BTBD17: variants seen among roughly 807,000 people sequenced by gnomAD.
BTBD17 encodes the protein BTB domain containing 17.
Under a neutral mutation model 36.9 loss-of-function variants are expected in BTBD17, and 26 were observed. That is an observed-to-expected ratio of 0.70 (90% CI 0.52 to 0.98). The LOEUF (loss-of-function observed/expected upper bound fraction) is 0.98, where lower values mean the gene tolerates loss of function less well. Ranked by LOEUF, BTBD17 falls within the 50% of genes least tolerant of loss-of-function variation. The pLI is 0.00. For synonymous variants in BTBD17, 341 were observed against 338.0 expected, an observed-to-expected ratio of 1.01 and a Z score of -0.10; for missense variants, 630 against 691.3, an observed-to-expected ratio of 0.91 and a Z score of 0.99.
chr17:74,362,965 C>CGCGTGTGTGTGTGTGT (rs112779081), upstream of BTBD17, among the ~76,000 whole-genome samples: 78 of 146,022 alleles, frequency 5.3e-4, no homozygotes, highest in South Asian at 9.2e-3. Flanking sequence ...AGCGCGCGCG[C>CGCGTGTGTGTGTGTGT]ATGTGTGTGT....
intron 1 of BTBD17, 47 bp downstream of exon 1, chr17:74,361,688 G>A (rs765876110): frequency 2.2e-5 from 33 of 1,533,042 alleles, no homozygotes; most frequent in East Asian, 4.6e-5. Flanking sequence ...GGGCTGGGAC[G>A]ACCTGCCGCT....
intron 1 of BTBD17, among the ~76,000 whole-genome samples, chr17:74,361,273 G>A (rs971381969): frequency 3.9e-5 from 6 of 152,234 alleles, no homozygotes; most frequent in Non-Finnish European, 7.3e-5. Flanking sequence ...GGAGGCGGGC[G>A]GGGGCCTGAT....
Position 74,361,792 on chromosome 17 carries a change from C to G in BTBD17, c.28G>C (p.Gly10Arg). 6.2e-7 allele frequency: 1 copy of G among 1,613,952 alleles called. No homozygotes were observed. Among genetic ancestry groups the G allele is most frequent in the Non-Finnish European group, 8.5e-7 (1 of 1,179,942 alleles). ...ATGGCCCAGAAGCTGCCCCAGGACC[C>G]AGGCTTGGAGTAGCCTCTCCTAGGC... MPRRGYSKPGSWGSFWAMLT... is the reference protein window; with the variant it reads MPRRGYSKPRSWGSFWAMLT... The change falls in exon 1 of 3, where the codon GGG becomes CGG. Residue 10 changes from glycine to arginine, a missense_variant. Physicochemically the swap from Gly to Arg is moderately radical, Grantham distance 125. Coordinates refer to ENST00000375366, the MANE Select transcript of BTBD17 (RefSeq NM_001080466.2).
Position 74,360,256 on chromosome 17 carries a change from A to C in BTBD17, c.86-11T>G, listed in dbSNP as rs769736384. ...CATCGGCTCTCTGTGCTGCAGCAGGAAGGAACACAGCATAGCCTGAGAAGG... is the reference window on the plus strand; with the variant it reads ...CATCGGCTCTCTGTGCTGCAGCAGGCAGGAACACAGCATAGCCTGAGAAGG... On this transcript the variant is annotated splice_polypyrimidine_tract_variant and intron_variant, in intron 1 of 2. Transcript: ENST00000375366. 3.1e-5 allele frequency: 49 copies of C among 1,598,388 alleles called. No individual in the cohort carries two copies. The highest frequency in any genetic ancestry group is 7.7e-6 in the Non-Finnish European group (9 of 1,171,500).
intron 1 of BTBD17, 115 bp from the exon 2 acceptor site, chr17:74,360,360 G>A: frequency 8.7e-7 from 1 of 1,147,366 alleles, no homozygotes; most frequent in Non-Finnish European, 1.2e-6. Flanking sequence ...AGAGGGCAAG[G>A]TGGGCCTAGG....
chr17:74,359,020 T>C (rs1180480642), intron 2 of BTBD17, among the ~76,000 whole-genome samples: 1 of 152,180 alleles, frequency 6.6e-6, no homozygotes, highest in East Asian at 1.9e-4. Flanking sequence ...TTGGAAGCAA[T>C]GTATGGAATT....
In BTBD17 at chr17:74,357,614, C is replaced by T. The variant is rs1187393235; in HGVS notation, c.480G>A (p.Ala160=). ...LQRGVADYMR[A]HLAGGAGPAV... is the part of the protein sequence containing the mutation. ...CCGGGCCCGCGCCTCCCGCCAGGTGCGCGCGCATGTAGTCGGCCACGCCGC... is the reference window on the plus strand; with the variant it reads ...CCGGGCCCGCGCCTCCCGCCAGGTGTGCGCGCATGTAGTCGGCCACGCCGC... The change falls in exon 3 of 3, where the codon GCG becomes GCA. Residue 160 remains alanine (A), a synonymous_variant. Transcript: ENST00000375366. This position sits in a 1 kb window ranked among gnomAD's most constrained non-coding sequence, Gnocchi z 8.4. 7.7e-6 allele frequency: 12 copies of T among 1,550,364 alleles called. No homozygotes were observed. The highest frequency in any genetic ancestry group is 1.2e-5 in the South Asian group (1 of 84,690).
rs1334480507 is a variant in BTBD17 at position 74,357,287 on chromosome 17, C to T, written c.807G>A (p.Gln269=). The T allele has an allele frequency of 1.9e-6, 3 of 1,557,790 alleles. No homozygotes were observed. Among genetic ancestry groups the T allele is most frequent in the Non-Finnish European group, 2.6e-6 (3 of 1,156,456 alleles). Residue 269 remains glutamine (Q), a synonymous_variant, in exon 3 of 3, where the codon CAG becomes CAA. Transcript: ENST00000375366. This position sits in a 1 kb window ranked among gnomAD's most constrained non-coding sequence, Gnocchi z 8.4. ...GGCGCGCCAGGGCTGCCGAGCGCGCCTGCAGCTGGAACAGCTGTGCCGGTG... is the reference window on the plus strand; with the variant it reads ...GGCGCGCCAGGGCTGCCGAGCGCGCTTGCAGCTGGAACAGCTGTGCCGGTG... ...MIPPAQLFQL[Q]ARSAALARHG...
upstream of BTBD17, chr17:74,361,924 C>G (rs1385854119): frequency 3.3e-6 from 3 of 905,386 alleles, no homozygotes; most frequent in Admixed American, 2.6e-5. Context: ...GACGGCACCC[C>G]CCTTCCTGCT....
At chr17:74,362,966 A>ATGTGTGTGTGTGTG (rs1555626867), upstream of BTBD17, among the ~76,000 whole-genome samples, 18 of 149,096 alleles carry the variant, frequency 1.2e-4, no homozygotes, top group South Asian at 2.1e-4. Flanking sequence ...GCGCGCGCGC[A>ATGTGTGTGTGTGTG]TGTGTGTGTG....
intron 2 of BTBD17, among the ~76,000 whole-genome samples, chr17:74,358,419 C>T (rs1303888537): frequency 6.6e-6 from 1 of 150,462 alleles, no homozygotes; most frequent in Non-Finnish European, 1.5e-5. Flanking sequence ...AAGATAGCTT[C>T]AGCCTAGGAG....
intron 1 of BTBD17, among the ~76,000 whole-genome samples, 174 bp downstream of exon 1, chr17:74,361,561 C>A (rs1218749384): frequency 9.2e-5 from 14 of 152,320 alleles, no homozygotes; most frequent in African/African-American, 3.4e-4. Context: ...GCCCTGCCCA[C>A]CTGCCTGCCA....
chr17:74,356,953 G>C lies in BTBD17; in HGVS notation c.1141C>G (p.Leu381Val). The C allele has an allele frequency of 1.4e-6, 2 of 1,429,316 alleles. No individual in the cohort carries two copies. Among genetic ancestry groups the C allele is most frequent in the Non-Finnish European group, 1.8e-6 (2 of 1,102,926 alleles). The allele number at this position is 1,429,316 out of a possible 1,614,324, so 88.5% of individuals were successfully genotyped here. A position where few individuals can be genotyped will look rare whatever the true frequency, so the allele number is the denominator to read the frequency against. Residue 381 changes from leucine to valine, a missense_variant, in exon 3 of 3, where the codon CTG (leucine) becomes GTG (valine). Leu to Val is a conservative substitution (Grantham distance 32). Coordinates refer to ENST00000375366, the MANE Select transcript of BTBD17 (RefSeq NM_001080466.2). This position sits in a 1 kb window ranked among gnomAD's most constrained non-coding sequence, Gnocchi z 4.3. Reference protein sequence around the residue: ...PVYADAAGTALPAARPEDGRP... With the variant: ...PVYADAAGTAVPAARPEDGRP... ...CCGTCCTCCGGGCGCGCGGCGGGCA[G>C]AGCAGTGCCCGCGGCGTCCGCGTAA...
Position 74,357,043 on chromosome 17 carries a change from C to G in BTBD17, c.1051G>C (p.Gly351Arg). Residue 351 changes from glycine (G) to arginine (R), a missense_variant, in exon 3 of 3, where the codon GGC (glycine) becomes CGC (arginine). By Grantham distance (125) the Gly-to-Arg change is moderately radical. Coordinates refer to ENST00000375366, the MANE Select transcript of BTBD17 (RefSeq NM_001080466.2). This position sits in a 1 kb window ranked among gnomAD's most constrained non-coding sequence, Gnocchi z 8.4. Reference protein sequence around the residue: ...TQLGPSGHDAGRRVTWNVLFS... With the variant: ...TQLGPSGHDARRRVTWNVLFS... ...AGCACGTTCCAGGTGACCCGGCGGC[C>G]CGCGTCGTGGCCACTCGGGCCCAGC... The G allele has an allele frequency of 6.5e-7, 1 of 1,528,054 alleles. No individual in the cohort carries two copies. The highest frequency in any genetic ancestry group is 8.7e-7 in the Non-Finnish European group (1 of 1,150,078). 94.7% of individuals were successfully genotyped at this position (1,528,054 alleles called of 1,614,324 possible).
chr17:74,356,434 G>T lies in BTBD17; in HGVS notation c.*223C>A. On this transcript the variant is annotated 3_prime_UTR_variant, in exon 3 of 3. Transcript: ENST00000375366. This position sits in a 1 kb window ranked among gnomAD's most constrained non-coding sequence, Gnocchi z 4.3. ...TCATCCCTTTACCACTCTGAGCATC[G>T]GTTTATTCAGGACCAAGAACGTTCC... 1 of 674,214 alleles carries T rather than the reference G, an allele frequency of 1.5e-6. No individual in the cohort carries two copies. Among genetic ancestry groups the T allele is most frequent in the Non-Finnish European group, 2.1e-6 (1 of 476,152 alleles). 41.8% of individuals were successfully genotyped at this position (674,214 alleles called of 1,614,324 possible).
In BTBD17 at chr17:74,360,020, G is replaced by A. The variant is rs777661047; in HGVS notation, c.311C>T (p.Ala104Val). 2.9e-5 allele frequency: 47 copies of A among 1,612,260 alleles called. No individual in the cohort carries two copies. Among genetic ancestry groups the A allele is most frequent in the African/African-American group, 4.0e-5 (3 of 74,932 alleles). The change falls in exon 2 of 3, where the codon GCG becomes GTG. Residue 104 changes from alanine (A) to valine (V), a missense_variant. Transcript: ENST00000375366. Reference protein sequence around the residue: ...FLELLSNQSEAVLQEPQDCAA... With the variant: ...FLELLSNQSEVVLQEPQDCAA... ...GCAGTCCTGTGGCTCCTGCAGCACC[G>A]CCTCGCTCTGGTTACTTAGCAGCTC...
At position 74,356,511 on chromosome 17, in the gene BTBD17, G is replaced by A. The variant is rs1479509903; in HGVS notation, c.*146C>T. On this transcript the variant is annotated 3_prime_UTR_variant, in exon 3 of 3. Coordinates refer to ENST00000375366, the MANE Select transcript of BTBD17 (RefSeq NM_001080466.2). This position sits in a 1 kb window ranked among gnomAD's most constrained non-coding sequence, Gnocchi z 4.3. ...TGAAACCAGGCATCTTGTCTACCACGCCTCACCTGGACTCCACCCCAGCCC... is the reference window on the plus strand; with the variant it reads ...TGAAACCAGGCATCTTGTCTACCACACCTCACCTGGACTCCACCCCAGCCC... 3 of 1,254,814 alleles carry A rather than the reference G, an allele frequency of 2.4e-6. No individual in the cohort carries two copies. The highest frequency in any genetic ancestry group is 8.3e-5 in the Admixed American group (2 of 24,106). 77.7% of individuals were successfully genotyped at this position (1,254,814 alleles called of 1,614,324 possible). A position where few individuals can be genotyped will look rare whatever the true frequency, so the allele number is the denominator to read the frequency against.
At chr17:74,361,685 GA>G in intron 1 of BTBD17, 49 bp downstream of exon 1, 1 of 1,526,614 alleles carries the variant, frequency 6.6e-7, no homozygotes, top group Non-Finnish European at 9.0e-7. Context: ...CCAGGGCTGG[GA>G]CGACCTGCCG....
chr17:74,363,072 C>T (rs1178770099), upstream of BTBD17, among the ~76,000 whole-genome samples: 2 of 152,056 alleles, frequency 1.3e-5, no homozygotes, highest in African/African-American at 4.8e-5. Flanking sequence ...CTCCTTTGAG[C>T]TTGGCTAACC....
Sources: allele counts gnomAD v4.1 joint callset (sites outside exome capture counted in the v4.1 genomes callset), GRCh38; gene constraint gnomAD v4.1.1; non-coding constraint Gnocchi (gnomAD v3.1); transcripts MANE v1.5; gene names NCBI Gene and HGNC (gene_info 2026-07-23, HGNC 2026-07-21).